RBFOX1: variants seen among roughly 807,000 people sequenced by gnomAD.
RBFOX1 encodes RNA binding protein fox-1 homolog 1.
A neutral mutation model predicts 57.7 loss-of-function variants in RBFOX1; 8 were observed. The observed-to-expected ratio is 0.14, with a 90% CI of 0.08 to 0.25. RBFOX1 has a LOEUF of 0.25. Ranked by LOEUF, RBFOX1 falls within the 10% of genes least tolerant of loss-of-function variation. The pLI is 1.00. For synonymous variants in RBFOX1, 326 were observed against 222.4 expected, an observed-to-expected ratio of 1.47 and a Z score of -4.15; for missense variants, 611 against 548.5, an observed-to-expected ratio of 1.11 and a Z score of -1.14.
chr16:7,088,355 G>A (rs1005393493), intron 4 of RBFOX1, among the ~76,000 whole-genome samples: 3 of 152,146 alleles, frequency 2.0e-5, no homozygotes, highest in Admixed American at 6.5e-5. Flanking sequence ...TCTCTCACAA[G>A]TGACTACTTA....
intron 4 of RBFOX1, among the ~76,000 whole-genome samples, chr16:7,455,628 C>G (rs765820989): frequency 6.7e-6 from 1 of 150,368 alleles, no homozygotes. Context: ...CCCATCTCTA[C>G]TGAAATACAA....
chr16:5,862,662 C>T (rs914969584), intron 3 of RBFOX1, among the ~76,000 whole-genome samples: 9 of 152,190 alleles, frequency 5.9e-5, no homozygotes, highest in African/African-American at 2.2e-4. Context: ...GTAATTAAAT[C>T]TCTTTGATCC....
chr16:6,721,302 G>T (rs1000502744), intron 3 of RBFOX1, among the ~76,000 whole-genome samples: 7 of 152,096 alleles, frequency 4.6e-5, no homozygotes, highest in Non-Finnish European at 8.8e-5. Context: ...AATTAGCTGG[G>T]CATGGTGGCG....
intron 1 of RBFOX1, among the ~76,000 whole-genome samples, chr16:5,381,003 T>A (rs1388550587): frequency 2.0e-5 from 3 of 152,228 alleles, no homozygotes; most frequent in Non-Finnish European, 2.9e-5. Context: ...TATCAATCAG[T>A]GGCGGAAAGC....
At chr16:6,320,504 T>C (rs1409489761) in intron 2 of RBFOX1, among the ~76,000 whole-genome samples, 2 of 151,934 alleles carry the variant, frequency 1.3e-5, no homozygotes, top group Admixed American at 1.3e-4. Context: ...AAAATAAAAT[T>C]TAATTTTTTT....
chr16:7,199,566 C>T (rs1424167907), intron 4 of RBFOX1, among the ~76,000 whole-genome samples: 2 of 152,134 alleles, frequency 1.3e-5, no homozygotes, highest in Non-Finnish European at 2.9e-5. Context: ...TACACAGAAT[C>T]AGCCAATAAT....
intron 3 of RBFOX1, among the ~76,000 whole-genome samples, chr16:6,727,595 G>T (rs756683155): frequency 6.6e-6 from 1 of 151,972 alleles, no homozygotes; most frequent in Non-Finnish European, 1.5e-5. Context: ...GAGTGGAGTT[G>T]TGCCGCCATA....
chr16:7,044,591 G>C, intron 3 of RBFOX1, among the ~76,000 whole-genome samples: 1 of 152,140 alleles, frequency 6.6e-6, no homozygotes, highest in East Asian at 1.9e-4. Flanking sequence ...CCTTTCAAGA[G>C]TGGTATTTGA....
intron 1 of RBFOX1, among the ~76,000 whole-genome samples, chr16:5,278,103 C>T (rs1230428410): frequency 6.6e-6 from 1 of 152,232 alleles, no homozygotes; most frequent in South Asian, 2.1e-4. Flanking sequence ...AATGGCTGTA[C>T]TAATTTACAT....
intron 1 of RBFOX1, among the ~76,000 whole-genome samples, chr16:5,268,922 T>G (rs1286175628): frequency 6.6e-6 from 1 of 152,026 alleles, no homozygotes; most frequent in African/African-American, 2.4e-5. Context: ...TCTCTATTTT[T>G]TTTTTTTTTT....
intron 1 of RBFOX1, among the ~76,000 whole-genome samples, chr16:6,030,936 A>G (rs570963017): frequency 6.6e-6 from 1 of 152,274 alleles, no homozygotes; most frequent in East Asian, 1.9e-4. Flanking sequence ...GGGTGGGTAT[A>G]TTGACCAATA....
intron 4 of RBFOX1, among the ~76,000 whole-genome samples, chr16:7,091,796 G>C (rs1367654222): frequency 1.3e-5 from 2 of 152,162 alleles, no homozygotes; most frequent in African/African-American, 4.8e-5. Context: ...CTACATTCTA[G>C]AGCTTCGTTA....
intron 4 of RBFOX1, among the ~76,000 whole-genome samples, chr16:6,009,079 G>A: frequency 6.6e-6 from 1 of 151,976 alleles, no homozygotes. Flanking sequence ...GCTATCATAA[G>A]GCATATGGTT....
intron 4 of RBFOX1, among the ~76,000 whole-genome samples, chr16:7,217,490 C>T (rs2092301337): frequency 6.6e-6 from 1 of 151,846 alleles, no homozygotes; most frequent in Admixed American, 6.6e-5. Flanking sequence ...AGCTTTGTTC[C>T]TGGTGTTCGG....
At chr16:7,611,569 A>T (rs1416935627) in intron 10 of RBFOX1, among the ~76,000 whole-genome samples, 1 of 151,346 alleles carries the variant, frequency 6.6e-6, no homozygotes, top group Non-Finnish European at 1.5e-5. Flanking sequence ...ACAAGAGCAA[A>T]ACTCTGTCTC....
chr16:7,298,396 C>T (rs1475630380), intron 4 of RBFOX1, among the ~76,000 whole-genome samples: 1 of 142,186 alleles, frequency 7.0e-6, no homozygotes, highest in Non-Finnish European at 1.5e-5. Flanking sequence ...TCAAGTGATT[C>T]TCATGCGTCT....
intron 2 of RBFOX1, among the ~76,000 whole-genome samples, chr16:6,399,100 C>T (rs1266569485): frequency 6.6e-6 from 1 of 152,210 alleles, no homozygotes; most frequent in African/African-American, 2.4e-5. Context: ...GGGGCTTGCA[C>T]CCTCTGAAGC....
chr16:6,716,378 T>C (rs183973158), intron 3 of RBFOX1, among the ~76,000 whole-genome samples: 135 of 152,320 alleles, frequency 8.9e-4, no homozygotes, highest in African/African-American at 3.1e-3. Flanking sequence ...TATAGGTATC[T>C]AACTGGAAGG....
intron 4 of RBFOX1, among the ~76,000 whole-genome samples, chr16:7,317,780 G>A (rs1214303410): frequency 1.3e-5 from 2 of 152,134 alleles, no homozygotes; most frequent in Non-Finnish European, 2.9e-5. Flanking sequence ...TAGCTCTATG[G>A]GCATGTTTCT....
Sources: gnomAD v4.1 joint callset for allele counts (sites outside exome capture counted in the v4.1 genomes callset) on GRCh38, gnomAD v4.1.1 for gene constraint, MANE v1.5 for transcripts, NCBI Gene and HGNC (gene_info 2026-07-23, HGNC 2026-07-21) for gene names.